The following TMTC1 variants were observed in gnomAD, a reference collection of about 807,000 sequenced individuals.
TMTC1 encodes transmembrane O-mannosyltransferase targeting cadherins 1.
A neutral mutation model predicts 104.8 loss-of-function variants in TMTC1; 73 were observed. That is an observed-to-expected ratio of 0.70 (90% CI 0.58 to 0.85). The LOEUF (loss-of-function observed/expected upper bound fraction) is 0.85. TMTC1 is among the 40% of genes least tolerant of loss of function. The pLI, the probability that TMTC1 is intolerant of heterozygous loss-of-function variation, is 0.00. For missense variants in TMTC1, 1,035 were observed against 1,096.1 expected (o/e 0.94, Z 0.79); for synonymous variants, 434 against 428.7 (o/e 1.01, Z -0.15).
At chr12:29,679,198 C>T (rs1194228788) in intron 5 of TMTC1, among the ~76,000 whole-genome samples, 1 of 152,024 alleles carries the variant, frequency 6.6e-6, no homozygotes, top group African/African-American at 2.4e-5. Context: ...CATGACAAAG[C>T]AACACATTCA....
Position 29,751,749 on chromosome 12 carries a change from C to T in TMTC1, c.855G>A (p.Trp285Ter). The change falls in exon 5 of 18, where the codon TGG becomes TGA. Residue 285 changes from tryptophan (W) to a stop codon, truncating the protein, a stop_gained. Transcript: ENST00000539277. LOFTEE classifies it high-confidence loss of function. ...GTGGCAGTGGAGAGTGGCAGCCACCCCAAGCTCCTTTGTGAGGGAACCGCT... is the reference window on the plus strand; with the variant it reads ...GTGGCAGTGGAGAGTGGCAGCCACCTCAAGCTCCTTTGTGAGGGAACCGCT... ...KQQRFPHKGA[W>*]GGCHSPLPPE... is the part of the protein sequence containing the mutation. The T allele has an allele frequency of 6.2e-7, 1 of 1,614,082 alleles. No homozygotes were observed.
At chr12:29,704,491 G>C (rs1024243923) in intron 5 of TMTC1, among the ~76,000 whole-genome samples, 3 of 152,232 alleles carry the variant, frequency 2.0e-5, no homozygotes, top group African/African-American at 7.2e-5. Context: ...ACAGCTCACA[G>C]AGATGGTACA....
intron 5 of TMTC1, among the ~76,000 whole-genome samples, chr12:29,741,956 T>C (rs1243570470): frequency 6.6e-6 from 1 of 152,192 alleles, no homozygotes; most frequent in African/African-American, 2.4e-5. Flanking sequence ...AGTTTTATAA[T>C]GAAAGAGACC....
intron 3 of TMTC1, 62 bp downstream of exon 3, chr12:29,758,642 T>C: frequency 1.3e-6 from 2 of 1,497,538 alleles, no homozygotes; most frequent in Non-Finnish European, 1.9e-6. Flanking sequence ...AGGCACATGC[T>C]CCCAGTCTAC....
intron 8 of TMTC1, among the ~76,000 whole-genome samples, chr12:29,580,936 T>C (rs996623452): frequency 6.6e-6 from 1 of 152,204 alleles, no homozygotes; most frequent in Non-Finnish European, 1.5e-5. Flanking sequence ...TGCACAGTAA[T>C]AGTCTGAAAA....
Position 29,555,482 on chromosome 12 carries a change from AC to A in TMTC1, c.1676+1374del, listed in dbSNP as rs530580458. On this transcript the variant is annotated intron_variant, in intron 10 of 17. Coordinates refer to ENST00000539277, the MANE Select transcript of TMTC1 (RefSeq NM_001193451.2). The stretch of plus-strand genomic sequence containing the variant: ...AATGCTATCCCTCCTCTTGCCCCCT[AC>A]CCCCCGACAGGCCCCAGTGTGTGAT... Among the ~76,000 whole-genome samples the A allele has an allele frequency of 2.6e-4, 39 of 148,520 alleles. No homozygotes were observed. In the East Asian group the frequency reaches 5.6e-3, roughly 21 times the overall value.
intron 5 of TMTC1, among the ~76,000 whole-genome samples, chr12:29,698,692 G>A (rs1941495861): frequency 6.6e-6 from 1 of 152,176 alleles, no homozygotes; most frequent in South Asian, 2.1e-4. Flanking sequence ...CTGGAACGTG[G>A]ACCTCAGATA....
At chr12:29,584,602 C>T (rs530836690) in intron 7 of TMTC1, among the ~76,000 whole-genome samples, 1 of 152,136 alleles carries the variant, frequency 6.6e-6, no homozygotes, top group Admixed American at 6.6e-5. Flanking sequence ...CTTCCCCGAC[C>T]CCACAACAGT....
intron 7 of TMTC1, 87 bp downstream of exon 7, chr12:29,604,091 C>G: frequency 6.4e-7 from 1 of 1,561,316 alleles, no homozygotes; most frequent in Non-Finnish European, 8.8e-7. Context: ...ATCTAATGGT[C>G]TACACACAGA....
intron 6 of TMTC1, among the ~76,000 whole-genome samples, chr12:29,631,830 G>A (rs923333386): frequency 6.6e-6 from 1 of 151,644 alleles, no homozygotes; most frequent in Non-Finnish European, 1.5e-5. Flanking sequence ...TTTTTCTTTT[G>A]CCTGGATTTC....
At chr12:29,719,978 A>G (rs1230663220) in intron 5 of TMTC1, among the ~76,000 whole-genome samples, 1 of 152,126 alleles carries the variant, frequency 6.6e-6, no homozygotes. Flanking sequence ...TTCTTTATTG[A>G]CAGCTTAGTG....
At chr12:29,595,783 C>A (rs1946390312) in intron 7 of TMTC1, among the ~76,000 whole-genome samples, 1 of 152,178 alleles carries the variant, frequency 6.6e-6, no homozygotes, top group Non-Finnish European at 1.5e-5. Context: ...GGTTAATAAA[C>A]CAGCAGAGAG....
chr12:29,760,148 T>C (rs187582251), intron 2 of TMTC1, among the ~76,000 whole-genome samples: 25 of 152,330 alleles, frequency 1.6e-4, no homozygotes, highest in African/African-American at 5.8e-4. Flanking sequence ...GTATACTCTA[T>C]GATGTTTGCA....
intron 2 of TMTC1, among the ~76,000 whole-genome samples, chr12:29,761,453 A>G (rs1206558295): frequency 1.3e-5 from 2 of 152,140 alleles, no homozygotes; most frequent in Non-Finnish European, 2.9e-5. Context: ...TATTCTCCAT[A>G]TTTTTTAAGT....
intron 1 of TMTC1, among the ~76,000 whole-genome samples, chr12:29,770,384 C>T (rs950755279): frequency 2.0e-5 from 3 of 152,050 alleles, no homozygotes; most frequent in South Asian, 4.1e-4. Context: ...TGAACTTAGT[C>T]AAAATCTGAA....
At chr12:29,584,273 A>C (rs12314860) in intron 7 of TMTC1, among the ~76,000 whole-genome samples, 2,288 of 152,278 alleles carry the variant, frequency 0.015, 44 homozygotes, top group African/African-American at 0.052. Flanking sequence ...TTGGTGCTAC[A>C]TGGTCCCTCA....
intron 1 of TMTC1, among the ~76,000 whole-genome samples, chr12:29,768,969 G>A (rs1286797654): frequency 6.6e-6 from 1 of 152,140 alleles, no homozygotes; most frequent in Admixed American, 6.5e-5. Flanking sequence ...GTTCTTTCCA[G>A]GGAGCACTGA....
chr12:29,731,868 C>T (rs1942554418), intron 5 of TMTC1, among the ~76,000 whole-genome samples: 1 of 152,144 alleles, frequency 6.6e-6, no homozygotes, highest in African/African-American at 2.4e-5. Context: ...CATTACTATA[C>T]AGTTTTTCTT....
At chr12:29,607,542 T>C (rs890041975) in intron 6 of TMTC1, among the ~76,000 whole-genome samples, 1 of 152,106 alleles carries the variant, frequency 6.6e-6, no homozygotes, top group Non-Finnish European at 1.5e-5. Flanking sequence ...AGATATGGAA[T>C]GTACAAAGCA....
Sources: gnomAD v4.1 joint callset for allele counts (sites outside exome capture counted in the v4.1 genomes callset) on GRCh38, gnomAD v4.1.1 for gene constraint, MANE v1.5 for transcripts, NCBI Gene and HGNC (gene_info 2026-07-23, HGNC 2026-07-21) for gene names.